Variants in RESP18 observed in about 807,000 individuals in gnomAD.
RESP18 encodes the protein regulated endocrine-specific protein 18.
Under a neutral mutation model 30.0 loss-of-function variants are expected in RESP18, and 30 were observed. The ratio of observed to expected loss-of-function variants is 1.00; its 90% CI spans 0.75 to 1.36. The LOEUF (loss-of-function observed/expected upper bound fraction) is 1.36, where lower values mean the gene tolerates loss of function less well. Ranked by LOEUF, RESP18 falls within the 40% of genes most tolerant of loss-of-function variation. RESP18 has a pLI of 0.00. For missense variants in RESP18, 320 were observed against 284.2 expected, an observed-to-expected ratio of 1.13 and a Z score of -0.91; for synonymous variants, 117 against 111.2, an observed-to-expected ratio of 1.05 and a Z score of -0.33.
Position 219,330,819 on chromosome 2 carries a change from G to C in RESP18, c.289C>G (p.Pro97Ala), listed in dbSNP as rs550042077. 8 of 1,551,368 alleles carry C rather than the reference G, an allele frequency of 5.2e-6. No individual in the cohort carries two copies. Among genetic ancestry groups the C allele is most frequent in the Non-Finnish European group, 7.0e-6 (8 of 1,146,902 alleles). Residue 97 changes from proline (P) to alanine (A), a missense_variant, in exon 3 of 7, where the codon CCA (proline) becomes GCA (alanine). Physicochemically the swap from Pro to Ala is conservative, Grantham distance 27 (BLOSUM62 -1). Coordinates refer to ENST00000333527, the MANE Select transcript of RESP18 (RefSeq NM_001007089.4). ...ACAACCTGTAAATGCTGGAAGACTG[G>C]GGTGGCAAATCCTTGGAGGGGCCAA...
intron 4 of RESP18, 50 bp downstream of exon 3, chr2:219,329,587 C>T (rs756893101): frequency 3.0e-5 from 47 of 1,547,710 alleles, no homozygotes; most frequent in Admixed American, 2.2e-4. Flanking sequence ...TTCCCTGTTC[C>T]GTCTGTCTGC....
intron 3 of RESP18, 141 bp from the exon 3 acceptor site, chr2:219,329,905 AG>A (rs1431195000): frequency 1.6e-5 from 13 of 793,384 alleles, no homozygotes; most frequent in Middle Eastern, 7.0e-4. Context: ...AAAGTTGCTT[AG>A]CATAGTGCCT....
intron 6 of RESP18, 38 bp downstream of exon 5, chr2:219,328,886 T>C: frequency 1.5e-6 from 2 of 1,353,052 alleles, no homozygotes; most frequent in Non-Finnish European, 2.1e-6. Flanking sequence ...TTTTGAAAAC[T>C]CTGCTGTTTC....
chr2:219,329,585 T>C, intron 4 of RESP18, 52 bp downstream of exon 3: 1 of 1,548,166 alleles, frequency 6.5e-7, no homozygotes, highest in Non-Finnish European at 8.7e-7. Context: ...CCTTCCCTGT[T>C]CCGTCTGTCT....
At chr2:219,331,824 G>A (rs1488358607) in intron 2 of RESP18, among the ~76,000 whole-genome samples, 12 of 152,240 alleles carry the variant, frequency 7.9e-5, no homozygotes, top group Admixed American at 7.8e-4. Flanking sequence ...ATCTCCGCAA[G>A]GCTTGGCGGT....
chr2:219,329,450 C>T (rs1217328173), intron 4 of RESP18, 187 bp downstream of exon 3: 17 of 1,550,896 alleles, frequency 1.1e-5, no homozygotes, highest in Non-Finnish European at 1.4e-5. Flanking sequence ...CTTGCCACAC[C>T]CACCTCCCCT....
chr2:219,329,825 A>T (rs940234031), intron 3 of RESP18, 61 bp from the exon 3 acceptor site: 151 of 1,500,632 alleles, frequency 1.0e-4, no homozygotes, highest in Non-Finnish European at 1.3e-4. Flanking sequence ...CACTCCAGGG[A>T]TCAGAGTAAC....
At chr2:219,330,553 A>C (rs1310825934) in intron 3 of RESP18, among the ~76,000 whole-genome samples, 1 of 149,808 alleles carries the variant, frequency 6.7e-6, no homozygotes, top group Non-Finnish European at 1.5e-5. Flanking sequence ...TTTTCCCTAG[A>C]AGCCTTTACT....
intron 2 of RESP18, chr2:219,331,157 A>G (rs1952826882): frequency 3.2e-6 from 1 of 317,332 alleles, no homozygotes; most frequent in South Asian, 4.5e-5. Flanking sequence ...AGAGGCTCAG[A>G]AAGCTGAGCA....
intron 6 of RESP18, among the ~76,000 whole-genome samples, chr2:219,328,534 T>C (rs1274415919): frequency 2.0e-5 from 3 of 152,210 alleles, no homozygotes; most frequent in Non-Finnish European, 4.4e-5. Flanking sequence ...GCAGGGACTA[T>C]GCAGGGGGAA....
intron 2 of RESP18, among the ~76,000 whole-genome samples, chr2:219,332,199 T>C (rs969536674): frequency 2.6e-5 from 4 of 152,174 alleles, no homozygotes; most frequent in African/African-American, 9.6e-5. Flanking sequence ...CCCGCAGCCC[T>C]GGTCAACTCT....
In RESP18 at chr2:219,332,611, G is replaced by A. The variant is rs1276359901; in HGVS notation, c.145C>T (p.Pro49Ser). ...AGCTGGAGCCCCTCGGAGCTCCCAGGCCACAGTGGGTGCTGTATCCTCCCA... is the reference window on the plus strand; with the variant it reads ...AGCTGGAGCCCCTCGGAGCTCCCAGACCACAGTGGGTGCTGTATCCTCCCA... The change falls in exon 2 of 7, where the codon CCT becomes TCT. Residue 49 changes from proline to serine, a missense_variant. By Grantham distance (74) the Pro-to-Ser change is moderately conservative. Coordinates refer to ENST00000333527, the MANE Select transcript of RESP18 (RefSeq NM_001007089.4). The A allele has an allele frequency of 6.4e-7, 1 of 1,551,274 alleles. No homozygotes were observed. The highest frequency in any genetic ancestry group is 1.4e-5 in the African/African-American group (1 of 73,018).
Position 219,330,792 on chromosome 2 carries a change from G to T in RESP18, c.316C>A (p.Leu106Ile). Residue 106 changes from leucine (L) to isoleucine (I), a missense_variant, in exon 3 of 7, where the codon CTC becomes ATC. By Grantham distance (5) the Leu-to-Ile change is conservative. Transcript: ENST00000333527. Reference sequence around the variant, plus strand: ...TTACCTTGGGGTATAATCTGCTGGAGCACAACCTGTAAATGCTGGAAGACT... The same window carrying T: ...TTACCTTGGGGTATAATCTGCTGGATCACAACCTGTAAATGCTGGAAGACT... 6.4e-7 allele frequency: 1 copy of T among 1,550,732 alleles called. No homozygotes were observed. Among genetic ancestry groups the T allele is most frequent in the Non-Finnish European group, 8.7e-7 (1 of 1,146,290 alleles).
Position 219,327,471 on chromosome 2 carries a change from C to T in RESP18, c.*46G>A. ...ATCCAAGAACTGCTCCTCTGAAGGGCAATGGGAAGGGTGCTGGGGCAGGGA... is the reference window on the plus strand; with the variant it reads ...ATCCAAGAACTGCTCCTCTGAAGGGTAATGGGAAGGGTGCTGGGGCAGGGA... On this transcript the variant is annotated 3_prime_UTR_variant, in exon 7 of 7. Coordinates refer to ENST00000333527, the MANE Select transcript of RESP18 (RefSeq NM_001007089.4). 2.0e-6 allele frequency: 3 copies of T among 1,518,568 alleles called. No homozygotes were observed. The highest frequency in any genetic ancestry group is 2.7e-6 in the Non-Finnish European group (3 of 1,117,070). 94.1% of individuals were successfully genotyped at this position (1,518,568 alleles called of 1,614,324 possible). A position where few individuals can be genotyped will look rare whatever the true frequency, so the allele number is the denominator to read the frequency against.
chr2:219,332,641 C>T lies in RESP18; in HGVS notation c.115G>A (p.Glu39Lys). 3 of 1,551,404 alleles carry T rather than the reference C, an allele frequency of 1.9e-6. No individual in the cohort carries two copies. Among genetic ancestry groups the T allele is most frequent in the Non-Finnish European group, 2.6e-6 (3 of 1,146,952 alleles). Residue 39 changes from glutamate to lysine, a missense_variant, in exon 2 of 7, where the codon GAG becomes AAG. By Grantham distance (56) the Glu-to-Lys change is moderately conservative (BLOSUM62 1). Coordinates refer to ENST00000333527, the MANE Select transcript of RESP18 (RefSeq NM_001007089.4). Reference sequence around the variant, plus strand: ...AGTGGGTGCTGTATCCTCCCAGGCTCGGCGCGCTCACTCCCCGGCCAAGTC... The same window carrying T: ...AGTGGGTGCTGTATCCTCCCAGGCTTGGCGCGCTCACTCCCCGGCCAAGTC...
chr2:219,332,433 C>T (rs943575736), intron 2 of RESP18, 91 bp downstream of exon 1: 3 of 941,142 alleles, frequency 3.2e-6, no homozygotes, highest in African/African-American at 1.7e-5. Context: ...CTTTTACTTC[C>T]AAGTTTCCTA....
rs1952804527 is a variant in RESP18, at chr2:219,329,204, C to G, written c.514G>C (p.Val172Leu). The G allele has an allele frequency of 6.4e-7, 1 of 1,551,566 alleles. No homozygotes were observed. The highest frequency in any genetic ancestry group is 8.7e-7 in the Non-Finnish European group (1 of 1,147,000). Residue 172 changes from valine (V) to leucine (L), a missense_variant, in exon 5 of 7, where the codon GTT becomes CTT. Val to Leu is a conservative substitution (Grantham distance 32). Transcript: ENST00000333527. Reference sequence around the variant, plus strand: ...ACCTCTTGTTTCAGGGCCTTAGAAACCACTTCGGAGGTAAAGCACTGATCC... The same window carrying G: ...ACCTCTTGTTTCAGGGCCTTAGAAAGCACTTCGGAGGTAAAGCACTGATCC...
intron 2 of RESP18, among the ~76,000 whole-genome samples, chr2:219,332,306 T>G (rs1480186922): frequency 6.6e-6 from 1 of 152,190 alleles, no homozygotes; most frequent in East Asian, 1.9e-4. Flanking sequence ...TCCCCAATTT[T>G]CACCTGAACC....
At chr2:219,330,711 C>T in intron 3 of RESP18, 60 bp downstream of exon 2, 3 of 1,119,098 alleles carry the variant, frequency 2.7e-6, no homozygotes, top group Non-Finnish European at 3.9e-6. Flanking sequence ...CGGATAGCCC[C>T]TCTTCCCCCC....
Sources: gnomAD v4.1 joint callset for allele counts (sites outside exome capture counted in the v4.1 genomes callset) on GRCh38, gnomAD v4.1.1 for gene constraint, MANE v1.5 for transcripts, NCBI Gene and HGNC (gene_info 2026-07-23, HGNC 2026-07-21) for gene names.